Variants in SLC22A2 observed in about 807,000 individuals in gnomAD.
The protein encoded by SLC22A2 is solute carrier family 22 member 2, also known as organic cation transporter 2.
In SLC22A2, 46 loss-of-function variants were observed where a neutral mutation model predicts 60.5. The observed-to-expected ratio is 0.76, with a 90% CI of 0.60 to 0.97. The LOEUF is 0.97. Among genes scored for constraint, SLC22A2 ranks in the 50% least tolerant of loss-of-function variants. The pLI, the probability that SLC22A2 is intolerant of heterozygous loss-of-function variation, is 0.00. For synonymous variants in SLC22A2, 303 were observed against 267.0 expected (o/e 1.13, Z -1.31); for missense variants, 701 against 706.6 (o/e 0.99, Z 0.09).
At chr6:160,247,427 A>G (rs1783113874) in intron 4 of SLC22A2, 129 bp from the exon 5 acceptor site, 1 of 600,484 alleles carries the variant, frequency 1.7e-6, no homozygotes, top group Non-Finnish European at 3.0e-6. Context: ...ACACTCGTGT[A>G]GGGGGATATG....
At chr6:160,219,459 G>A (rs560800519) in intron 10 of SLC22A2, among the ~76,000 whole-genome samples, 3 of 144,434 alleles carry the variant, frequency 2.1e-5, no homozygotes, top group South Asian at 2.4e-4. Context: ...GTGCTTCGTC[G>A]CACTGTCCCA....
chr6:160,231,926 G>T (rs1214355097), intron 9 of SLC22A2, among the ~76,000 whole-genome samples: 2 of 151,908 alleles, frequency 1.3e-5, no homozygotes, highest in Admixed American at 6.5e-5. Flanking sequence ...ACTGCGCCCT[G>T]TAGCCCTTTT....
Position 160,241,547 on chromosome 6 carries a change from A to G in SLC22A2, c.1428T>C (p.Ile476=), listed in dbSNP as rs1415890949. The change falls in exon 9 of 11, where the codon ATT becomes ATC. Residue 476 remains isoleucine, a synonymous_variant. Coordinates refer to ENST00000366953, the MANE Select transcript of SLC22A2 (RefSeq NM_003058.4). The part of the protein sequence containing the change: ...GVHICSSMCD[I]GGIITPFLVY... ...CCAGGAATGGCGTGATGATGCCACCAATGTCACACATTGAGGAACAGATGT... is the reference window on the plus strand; with the variant it reads ...CCAGGAATGGCGTGATGATGCCACCGATGTCACACATTGAGGAACAGATGT... 1 of 1,613,614 alleles carries G rather than the reference A, an allele frequency of 6.2e-7. No homozygotes were observed.
At chr6:160,229,379 C>T (rs984569713) in intron 9 of SLC22A2, among the ~76,000 whole-genome samples, 2 of 151,896 alleles carry the variant, frequency 1.3e-5, no homozygotes, top group Non-Finnish European at 2.9e-5. Context: ...GCACCAGTCA[C>T]GGACTTGGGT....
At chr6:160,226,825 C>T (rs1166694489) in intron 9 of SLC22A2, among the ~76,000 whole-genome samples, 1 of 152,116 alleles carries the variant, frequency 6.6e-6, no homozygotes, top group Non-Finnish European at 1.5e-5. Context: ...TTCACCCCCA[C>T]CCCTTCCCAT....
In SLC22A2 at chr6:160,245,735, G is replaced by C. The variant is rs866075218; in HGVS notation, c.958-190C>G. 4.0e-4 allele frequency among the ~76,000 whole-genome samples: 46 copies of C among 116,380 alleles called. 1 individual carries two copies. The highest frequency in any genetic ancestry group is 2.4e-3 in the South Asian group (9 of 3,780). The allele number at this position is 116,380 out of a possible 152,430, so 76.3% of individuals were successfully genotyped here. On this transcript the variant is annotated intron_variant, in intron 5 of 10. Transcript: ENST00000366953. Reference sequence around the variant, plus strand: ...TTTTTTTGAGACTGAATCTTGCTCTGTCACCCAGGCTTGAGTGCAGTGGTG... The same window carrying C: ...TTTTTTTGAGACTGAATCTTGCTCTCTCACCCAGGCTTGAGTGCAGTGGTG...
Position 160,258,733 on chromosome 6 carries a change from G to A in SLC22A2, c.25C>T (p.Leu9=), listed in dbSNP as rs2114875511. Residue 9 remains leucine (L), a synonymous_variant, in exon 1 of 11, where the codon CTG becomes TTG. Transcript: ENST00000366953. The part of the protein sequence containing the change: MPTTVDDV[L]EHGGEFHFFQ... ...AAGTGAAACTCCCCTCCATGCTCCA[G>A]GACATCGTCCACGGTGGTGGGCATG... 1 of 1,574,540 alleles carries A rather than the reference G, an allele frequency of 6.4e-7. No homozygotes were observed. The highest frequency in any genetic ancestry group is 8.6e-7 in the Non-Finnish European group (1 of 1,158,522).
intron 9 of SLC22A2, among the ~76,000 whole-genome samples, chr6:160,235,432 G>T (rs1249073979): frequency 1.5e-5 from 1 of 67,068 alleles, no homozygotes; most frequent in Non-Finnish European, 3.2e-5. Context: ...GAAATGGGCT[G>T]ATTTCCTCTT....
At chr6:160,224,862 TAG>T (rs2114850915) in intron 9 of SLC22A2, 58 bp from the exon 10 acceptor site, 3 of 1,012,668 alleles carry the variant, frequency 3.0e-6, no homozygotes, top group East Asian at 5.3e-5. Flanking sequence ...GGTCTATAAT[TAG>T]AGTTTCCCTT....
In SLC22A2 at chr6:160,250,625, G is replaced by C; in HGVS notation, c.596C>G (p.Thr199Ser). 6.2e-7 allele frequency: 1 copy of C among 1,614,028 alleles called. No individual in the cohort carries two copies. Among genetic ancestry groups the C allele is most frequent in the Non-Finnish European group, 8.5e-7 (1 of 1,179,932 alleles). The change falls in exon 3 of 11, where the codon ACC becomes AGC. Residue 199 changes from threonine to serine, a missense_variant. Transcript: ENST00000366953. ...GCGAAAAATTAACATCCACGTATAGGTTGGGGAAATGGCCATGAGAACTCC... is the reference window on the plus strand; with the variant it reads ...GCGAAAAATTAACATCCACGTATAGCTTGGGGAAATGGCCATGAGAACTCC... Reference protein sequence around the residue: ...AAGVLMAISPTYTWMLIFRLI... With the variant: ...AAGVLMAISPSYTWMLIFRLI...
chr6:160,243,344 C>T (rs1783041460), intron 7 of SLC22A2, among the ~76,000 whole-genome samples: 1 of 151,896 alleles, frequency 6.6e-6, no homozygotes. Flanking sequence ...TAGCATGGGG[C>T]TGTAAAGTCT....
Position 160,245,452 on chromosome 6 carries a change from A to G in SLC22A2, c.1051T>C (p.Leu351=), listed in dbSNP as rs1274510014. Residue 351 remains leucine, a synonymous_variant, in exon 6 of 11, where the codon TTG becomes CTG. Transcript: ENST00000366953. The part of the protein sequence containing the change: ...TPQIRKHTMI[L]MYNWFTSSVL... ...AATATTCCTTACCAGTTGTACATCA[A>G]TATCATAGTATGTTTCCTTATCTGA... 2.5e-6 allele frequency: 4 copies of G among 1,575,168 alleles called. No individual in the cohort carries two copies. The highest frequency in any genetic ancestry group is 2.3e-5 in the East Asian group (1 of 44,408).
intron 5 of SLC22A2, among the ~76,000 whole-genome samples, chr6:160,246,642 G>C (rs1367290947): frequency 6.6e-6 from 1 of 152,158 alleles, no homozygotes; most frequent in Admixed American, 6.5e-5. Context: ...GGCTACTAGG[G>C]AGGCTGAAGC....
intron 9 of SLC22A2, among the ~76,000 whole-genome samples, chr6:160,230,308 A>C (rs1217502293): frequency 6.6e-6 from 1 of 151,900 alleles, no homozygotes; most frequent in Non-Finnish European, 1.5e-5. Flanking sequence ...GCTGGAGCTA[A>C]AGGCGTAGTC....
intron 9 of SLC22A2, among the ~76,000 whole-genome samples, chr6:160,229,509 G>A (rs34360089): frequency 0.27 from 41,372 of 151,616 alleles, 6,889 homozygotes; most frequent in African/African-American, 0.45. Flanking sequence ...AATTGCGGGG[G>A]CGCCTGCTTT....
At position 160,243,656 on chromosome 6, in the gene SLC22A2, C is replaced by G. The variant is rs368002099; in HGVS notation, c.1195G>C (p.Asp399His). 6.2e-7 allele frequency: 1 copy of G among 1,613,852 alleles called. No individual in the cohort carries two copies. Among genetic ancestry groups the G allele is most frequent in the South Asian group, 1.1e-5 (1 of 91,048 alleles). Residue 399 changes from aspartate to histidine, a missense_variant, in exon 7 of 11, where the codon GAC becomes CAC. Transcript: ENST00000366953. ...CAAGGGTAACGGCGTCCGATGCGGT[C>G]GATGGTGAGGATGATCATGAAGGCA... is the stretch of plus-strand genomic sequence containing the variant. ...PAAFMIILTI[D>H]RIGRRYPWAA...
intron 9 of SLC22A2, among the ~76,000 whole-genome samples, chr6:160,240,977 G>A (rs1411065714): frequency 6.6e-6 from 1 of 152,168 alleles, no homozygotes; most frequent in East Asian, 1.9e-4. Context: ...TTTTCTTAAT[G>A]TGGGTCTTTA....
At chr6:160,247,108 T>TG (rs1408128884) in intron 5 of SLC22A2, 76 bp downstream of exon 5, 2 of 871,024 alleles carry the variant, frequency 2.3e-6, no homozygotes, top group Non-Finnish European at 3.8e-6. Flanking sequence ...CCTGCTGAGA[T>TG]CACTGGCATG....
At chr6:160,224,847 C>T (rs751319848) in intron 9 of SLC22A2, 43 bp from the exon 10 acceptor site, 2 of 1,173,072 alleles carry the variant, frequency 1.7e-6, no homozygotes, top group East Asian at 2.6e-5. Context: ...AACTGAAAAA[C>T]TCAAGGTCTA....
Sources: gnomAD v4.1 joint callset for allele counts (sites outside exome capture counted in the v4.1 genomes callset) on GRCh38, gnomAD v4.1.1 for gene constraint, MANE v1.5 for transcripts, NCBI Gene and HGNC (gene_info 2026-07-23, HGNC 2026-07-21) for gene names.